The following SP140 variants were observed in gnomAD, a reference collection of about 807,000 sequenced individuals.
The protein encoded by SP140 is SP140 nuclear body protein, also known as nuclear body protein SP140.
SP140 carries 81 observed loss-of-function variants against 125.0 expected under a neutral mutation model. The observed-to-expected ratio is 0.65, with a 90% CI of 0.54 to 0.78. The LOEUF (loss-of-function observed/expected upper bound fraction) is 0.78, where lower values mean the gene tolerates loss of function less well. Among genes scored for constraint, SP140 ranks in the 30% least tolerant of loss-of-function variants. The pLI, the probability that SP140 is intolerant of heterozygous loss-of-function variation, is 0.00. For synonymous variants in SP140, 312 were observed against 354.0 expected (o/e 0.88, Z 1.33); for missense variants, 858 against 1,037.0 (o/e 0.83, Z 2.37).
intron 15 of SP140, among the ~76,000 whole-genome samples, chr2:230,282,385 C>A (rs898034467): frequency 2.6e-5 from 4 of 152,198 alleles, no homozygotes; most frequent in Non-Finnish European, 4.4e-5. Context: ...GGCCTCCCAG[C>A]AAATTCACCC....
intron 1 of SP140, among the ~76,000 whole-genome samples, chr2:230,229,047 T>C (rs1424992071): frequency 6.6e-6 from 1 of 152,188 alleles, no homozygotes; most frequent in Non-Finnish European, 1.5e-5. Flanking sequence ...ATATCAATTA[T>C]ACTTCCTTTA....
rs138563529 is a variant in SP140, at chr2:230,247,903, T to C, written c.743-13T>C. The C allele has an allele frequency of 5.0e-5, 80 of 1,612,186 alleles. 1 individual carries two copies. The East Asian group carries it at 1.2e-3, about 24-fold the overall frequency. On this transcript the variant is annotated splice_polypyrimidine_tract_variant and intron_variant, in intron 7 of 26. Coordinates refer to ENST00000392045, the MANE Select transcript of SP140 (RefSeq NM_007237.5). ...TTACATACACTCTCAGAGATGCCTTTTTTGATCCCTAGTTCTAGAAAGCAA... is the reference window on the plus strand; with the variant it reads ...TTACATACACTCTCAGAGATGCCTTCTTTGATCCCTAGTTCTAGAAAGCAA...
intron 15 of SP140, among the ~76,000 whole-genome samples, chr2:230,283,729 C>T (rs1190639824): frequency 2.0e-5 from 3 of 152,136 alleles, no homozygotes; most frequent in Non-Finnish European, 2.9e-5. Flanking sequence ...ATAAAGGGCA[C>T]GTCAGACTGC....
chr2:230,249,003 C>T (rs2049940463), intron 9 of SP140, 35 bp downstream of exon 9: 3 of 1,540,258 alleles, frequency 1.9e-6, no homozygotes, highest in East Asian at 2.3e-5. Context: ...TATTTGAGTA[C>T]ATCTTTGTTT....
the SP140 span, among the ~76,000 whole-genome samples, chr2:230,188,622 T>A: frequency 6.6e-6 from 1 of 152,214 alleles, no homozygotes; most frequent in Non-Finnish European, 1.5e-5. Context: ...TGGCTGTGGG[T>A]TTGTCATATA....
At chr2:230,257,238 A>G (rs1378131299) in intron 12 of SP140, among the ~76,000 whole-genome samples, 1 of 152,082 alleles carries the variant, frequency 6.6e-6, no homozygotes, top group Admixed American at 6.6e-5. Context: ...ATAAGGAAAC[A>G]TTATCAAGAG....
Position 230,247,929 on chromosome 2 carries a change from C to A in SP140, c.756C>A (p.Asn252Lys). The A allele has an allele frequency of 6.2e-7, 1 of 1,612,912 alleles. No individual in the cohort carries two copies. The highest frequency in any genetic ancestry group is 8.5e-7 in the Non-Finnish European group (1 of 1,179,476). The change falls in exon 8 of 27, where the codon AAC becomes AAA. Residue 252 changes from asparagine (N) to lysine (K), a missense_variant. Physicochemically the swap from Asn to Lys is moderately conservative, Grantham distance 94. Around this residue, in one of 4 missense-constraint regions of SP140, gnomAD observed 791 missense variants for 869.5 expected, o/e 0.91. Transcript: ENST00000392045. The part of the protein sequence containing the change: ...LPYDTEVLES[N>K]GMIDAARTYS... ...TTTGATCCCTAGTTCTAGAAAGCAA[C>A]GGGATGATAGATGCGGCAAGGACAT...
chr2:230,260,231 G>T (rs999650295), intron 12 of SP140, among the ~76,000 whole-genome samples: 2 of 152,116 alleles, frequency 1.3e-5, no homozygotes, highest in Non-Finnish European at 2.9e-5. Flanking sequence ...TTGGCCATTT[G>T]TATATCTTCT....
chr2:230,312,170 C>T (rs561087659), intron 26 of SP140, among the ~76,000 whole-genome samples: 16 of 152,334 alleles, frequency 1.1e-4, no homozygotes, highest in African/African-American at 3.8e-4. Context: ...TTTCACTTTT[C>T]TGCCCTGTTA....
rs2050305022 is a variant in SP140 at position 230,251,188 on chromosome 2, A to C, written c.1057+127A>C. On this transcript the variant is annotated intron_variant, in intron 10 of 26. Transcript: ENST00000392045. The stretch of plus-strand genomic sequence containing the variant: ...GTGAAAGAATGCAATTAAATCTGAG[A>C]TTTTTCACATTTTCTATACATGGAT... 9 of 748,304 alleles carry C rather than the reference A, an allele frequency of 1.2e-5. No individual in the cohort carries two copies. In the South Asian group the frequency reaches 1.4e-4, roughly 12 times the overall value. 46.4% of individuals were successfully genotyped at this position (748,304 alleles called of 1,614,324 possible).
In SP140 at chr2:230,211,607, A is replaced by G. The variant is rs960750804; in HGVS notation, c.-322-2047A>G. The G allele has an allele frequency of 3.0e-5, 32 of 1,056,894 alleles. No homozygotes were observed. Among genetic ancestry groups the G allele is most frequent in the Non-Finnish European group, 4.6e-5 (31 of 671,914 alleles). The allele number at this position is 1,056,894 out of a possible 1,614,324, so 65.5% of individuals were successfully genotyped here. A position where few individuals can be genotyped will look rare whatever the true frequency, so the allele number is the denominator to read the frequency against. ...CTCAGGAACAGCAAGCAGGGACCAG[A>G]ATGAGGAGAAAAGAGAATGCTCTAT... On this transcript the variant is annotated intron_variant, in intron 1 of 4. Transcript: ENST00000456542. The surrounding 1 kb of genome is among the most constrained non-coding windows in gnomAD (Gnocchi z 4.2).
At chr2:230,230,963 T>C (rs7563433) in intron 1 of SP140, among the ~76,000 whole-genome samples, 22,673 of 152,236 alleles carry the variant, frequency 0.15, 1,836 homozygotes, top group Middle Eastern at 0.23. Flanking sequence ...TTTTCCTCTT[T>C]GCATTTCTAT....
the SP140 span, among the ~76,000 whole-genome samples, chr2:230,195,523 T>C: frequency 6.6e-6 from 1 of 152,086 alleles, no homozygotes; most frequent in Admixed American, 6.5e-5. Context: ...AGAGACGGGG[T>C]TTCACCATGT....
Position 230,237,223 on chromosome 2 carries a change from T to C in SP140, c.200T>C (p.Leu67Pro), listed in dbSNP as rs2048126642. The C allele has an allele frequency of 6.2e-7, 1 of 1,611,726 alleles. No homozygotes were observed. Among genetic ancestry groups the C allele is most frequent in the South Asian group, 1.1e-5 (1 of 90,862 alleles). Residue 67 changes from leucine (L) to proline (P), a missense_variant, in exon 2 of 27, where the codon CTC (leucine) becomes CCC (proline). Transcript: ENST00000392045. This position sits in a 1 kb window ranked among gnomAD's most constrained non-coding sequence, Gnocchi z 5.4. ...ITRPFPFLMG[L>P]RDRSFISEQM... The stretch of plus-strand genomic sequence containing the variant: ...AGGCCATTTCCTTTCCTTATGGGCC[T>C]CCGAGACCGCTCCTTCATCTCCGAG...
intron 15 of SP140, among the ~76,000 whole-genome samples, chr2:230,277,628 A>T (rs1235901089): frequency 1.3e-5 from 2 of 152,132 alleles, no homozygotes; most frequent in Non-Finnish European, 2.9e-5. Context: ...TCCAGGTTTT[A>T]TGTAAAATTT....
intron 9 of SP140, among the ~76,000 whole-genome samples, chr2:230,250,004 G>A (rs541233768): frequency 1.1e-4 from 16 of 152,292 alleles, no homozygotes; most frequent in African/African-American, 3.6e-4. Context: ...TTCCATCCAT[G>A]TGCCTGAAGA....
downstream of SP140, among the ~76,000 whole-genome samples, chr2:230,313,435 G>T (rs918753405): frequency 2.0e-5 from 3 of 152,168 alleles, no homozygotes; most frequent in Non-Finnish European, 4.4e-5. Flanking sequence ...GCTTCACCTG[G>T]AAGTGACACC....
intron 3 of SP140, among the ~76,000 whole-genome samples, chr2:230,219,088 G>A (rs2045555726): frequency 6.6e-6 from 1 of 152,182 alleles, no homozygotes; most frequent in Non-Finnish European, 1.5e-5. Context: ...AGCTGGGCGT[G>A]GTGGTGCACA....
At chr2:230,315,753 C>T (rs13399920), downstream of SP140, among the ~76,000 whole-genome samples, 1 of 151,808 alleles carries the variant, frequency 6.6e-6, no homozygotes, top group African/African-American at 2.4e-5. Context: ...CTACAAAGAC[C>T]TGAAGGAGGC....
Sources: allele counts gnomAD v4.1 joint callset (sites outside exome capture counted in the v4.1 genomes callset), GRCh38; gene constraint gnomAD v4.1.1; regional missense constraint gnomAD v4.1.1; non-coding constraint Gnocchi (gnomAD v3.1); transcripts MANE v1.5; gene names NCBI Gene and HGNC (gene_info 2026-07-23, HGNC 2026-07-21).